MDGA2: variants seen among roughly 807,000 people sequenced by gnomAD.
MDGA2 encodes the protein MAM domain containing glycosylphosphatidylinositol anchor 2.
A neutral mutation model predicts 117.8 loss-of-function variants in MDGA2; 40 were observed. The observed-to-expected ratio is 0.34, with a 90% CI of 0.26 to 0.44. The LOEUF (loss-of-function observed/expected upper bound fraction) is 0.44, where lower values mean the gene tolerates loss of function less well. Among genes scored for constraint, MDGA2 ranks in the 20% least tolerant of loss-of-function variants. MDGA2 has a pLI of 1.00. For missense variants in MDGA2, 1,123 were observed against 1,250.6 expected, an observed-to-expected ratio of 0.90 and a Z score of 1.54; for synonymous variants, 452 against 439.0, an observed-to-expected ratio of 1.03 and a Z score of -0.37.
chr14:47,429,694 A>G (rs1332376972), intron 1 of MDGA2, among the ~76,000 whole-genome samples: 1 of 152,028 alleles, frequency 6.6e-6, no homozygotes, highest in East Asian at 1.9e-4. Flanking sequence ...ATATTTATTC[A>G]TTGTAAGACA....
intron 14 of MDGA2, among the ~76,000 whole-genome samples, chr14:46,862,045 C>T (rs1311801855): frequency 2.0e-5 from 3 of 151,842 alleles, no homozygotes; most frequent in Non-Finnish European, 2.9e-5. Flanking sequence ...GTTTAAATCC[C>T]CAGAGACACT....
At chr14:47,136,641 T>A (rs1594658708) in intron 4 of MDGA2, among the ~76,000 whole-genome samples, 2 of 152,346 alleles carry the variant, frequency 1.3e-5, no homozygotes, top group Admixed American at 1.3e-4. Flanking sequence ...TATTTATATA[T>A]GTTTTTATCA....
intron 1 of MDGA2, among the ~76,000 whole-genome samples, chr14:47,546,159 ATACTT>A (rs2138766532): frequency 6.6e-6 from 1 of 152,304 alleles, no homozygotes; most frequent in South Asian, 2.1e-4. Context: ...GGGGAGAAAA[ATACTT>A]TATATAGAAG....
chr14:47,607,688 G>A (rs2138894620), intron 1 of MDGA2, among the ~76,000 whole-genome samples: 1 of 152,184 alleles, frequency 6.6e-6, no homozygotes, highest in South Asian at 2.1e-4. Flanking sequence ...GGACAAAGCA[G>A]GAAGTTCCTT....
At chr14:46,904,096 G>T (rs1459094087) in intron 10 of MDGA2, among the ~76,000 whole-genome samples, 1 of 152,160 alleles carries the variant, frequency 6.6e-6, no homozygotes, top group Admixed American at 6.5e-5. Context: ...AGGCATGGTG[G>T]CTCATGCCTG....
intron 1 of MDGA2, among the ~76,000 whole-genome samples, chr14:47,507,185 G>A (rs1894530980): frequency 6.6e-6 from 1 of 152,036 alleles, no homozygotes; most frequent in Non-Finnish European, 1.5e-5. Context: ...AAATTGCAGA[G>A]AATGTAGAAT....
chr14:46,973,224 T>C (rs1595080190), intron 8 of MDGA2, among the ~76,000 whole-genome samples: 1 of 152,120 alleles, frequency 6.6e-6, no homozygotes, highest in African/African-American at 2.4e-5. Context: ...TACAAAAGTA[T>C]ACATATTCTT....
intron 3 of MDGA2, among the ~76,000 whole-genome samples, chr14:47,206,372 CTT>C (rs1357095471): frequency 2.0e-5 from 3 of 151,868 alleles, no homozygotes; most frequent in African/African-American, 7.3e-5. Context: ...AGCAGAATCT[CTT>C]GAGTCCAGGA....
chr14:47,361,608 AT>A (rs1438639448), intron 1 of MDGA2, among the ~76,000 whole-genome samples: 1 of 152,024 alleles, frequency 6.6e-6, no homozygotes, highest in African/African-American at 2.4e-5. Flanking sequence ...ATGCCTTCAG[AT>A]TTAAAGCATG....
chr14:47,126,158 A>C (rs964478381), intron 5 of MDGA2, among the ~76,000 whole-genome samples: 2 of 152,078 alleles, frequency 1.3e-5, no homozygotes, highest in African/African-American at 4.8e-5. Flanking sequence ...CAATCAAGGG[A>C]GTATATATTC....
intron 12 of MDGA2, among the ~76,000 whole-genome samples, chr14:46,874,762 C>T (rs892491942): frequency 6.6e-6 from 1 of 151,630 alleles, no homozygotes; most frequent in Non-Finnish European, 1.5e-5. Context: ...TTCCCAGATA[C>T]TTGAACTTCA....
chr14:46,997,754 T>C lies in MDGA2; in HGVS notation c.1819+37257A>G, dbSNP rs1887349276. On this transcript the variant is annotated intron_variant, in intron 8 of 16. Transcript: ENST00000399232. Reference sequence around the variant, plus strand: ...GGAGAGGAAGAAATGTGACTACATTTTGTACCAAATAAGTGCATTCACATG... The same window carrying C: ...GGAGAGGAAGAAATGTGACTACATTCTGTACCAAATAAGTGCATTCACATG... 2.6e-5 allele frequency among the ~76,000 whole-genome samples: 4 copies of C among 152,162 alleles called. 1 individual carries two copies. The South Asian group carries it at 6.2e-4, about 24-fold the overall frequency.
At chr14:47,428,940 T>A (rs560722883) in intron 1 of MDGA2, among the ~76,000 whole-genome samples, 2 of 152,088 alleles carry the variant, frequency 1.3e-5, no homozygotes, top group East Asian at 3.9e-4. Flanking sequence ...AATCACAAAC[T>A]GATAATGGGA....
intron 1 of MDGA2, among the ~76,000 whole-genome samples, chr14:47,464,165 G>A (rs912560814): frequency 6.8e-6 from 1 of 148,078 alleles, no homozygotes; most frequent in African/African-American, 2.5e-5. Context: ...TTGCTTTGTT[G>A]GTATCAGCAG....
At chr14:47,449,649 TA>T (rs1893198648) in intron 1 of MDGA2, among the ~76,000 whole-genome samples, 1 of 152,116 alleles carries the variant, frequency 6.6e-6, no homozygotes, top group African/African-American at 2.4e-5. Flanking sequence ...ATTTTGTAAC[TA>T]ACTAGATAGC....
intron 1 of MDGA2, among the ~76,000 whole-genome samples, chr14:47,385,888 A>C (rs17742407): frequency 0.26 from 39,774 of 152,128 alleles, 5,527 homozygotes; most frequent in Middle Eastern, 0.41. Flanking sequence ...CTAACATGAC[A>C]GAGGGAAAAA....
intron 6 of MDGA2, among the ~76,000 whole-genome samples, chr14:47,083,035 G>A (rs1890765318): frequency 6.6e-6 from 1 of 151,970 alleles, no homozygotes; most frequent in Non-Finnish European, 1.5e-5. Flanking sequence ...CTGAAGCACA[G>A]ATGGAGAAGA....
chr14:47,518,639 G>C (rs1485837741), intron 1 of MDGA2, among the ~76,000 whole-genome samples: 2 of 151,984 alleles, frequency 1.3e-5, no homozygotes, highest in East Asian at 1.9e-4. Flanking sequence ...TATAACATTA[G>C]ATATCTTTAT....
At chr14:47,518,243 G>A (rs367727540) in intron 1 of MDGA2, among the ~76,000 whole-genome samples, 39 of 152,202 alleles carry the variant, frequency 2.6e-4, no homozygotes, top group Middle Eastern at 3.4e-3. Context: ...GAGGATGGGC[G>A]GGTGGTAGTG....
Sources: allele counts gnomAD v4.1 joint callset (sites outside exome capture counted in the v4.1 genomes callset), GRCh38; gene constraint gnomAD v4.1.1; transcripts MANE v1.5; gene names NCBI Gene and HGNC (gene_info 2026-07-23, HGNC 2026-07-21).